SASS6: variants seen among roughly 807,000 people sequenced by gnomAD.
SASS6 encodes the protein spindle assembly abnormal protein 6 homolog.
A neutral mutation model predicts 94.9 loss-of-function variants in SASS6; 59 were observed. That is an observed-to-expected ratio of 0.62 (90% confidence interval 0.50 to 0.77). The LOEUF (loss-of-function observed/expected upper bound fraction) is 0.77, where lower values mean the gene tolerates loss of function less well. Ranked by LOEUF, SASS6 falls within the 30% of genes least tolerant of loss-of-function variation. SASS6 has a pLI of 0.00. For missense variants in SASS6, 698 were observed against 734.1 expected, an observed-to-expected ratio of 0.95 and a Z score of 0.57; for synonymous variants, 264 against 270.0, an observed-to-expected ratio of 0.98 and a Z score of 0.22.
intron 7 of SASS6, among the ~76,000 whole-genome samples, chr1:100,117,560 G>A (rs2101679457): frequency 6.6e-6 from 1 of 152,120 alleles, no homozygotes; most frequent in African/African-American, 2.4e-5. Flanking sequence ...GGCTGAGGCA[G>A]GAGAATTGCT....
chr1:100,087,871 G>A (rs1306055109), intron 15 of SASS6, among the ~76,000 whole-genome samples: 2 of 152,122 alleles, frequency 1.3e-5, no homozygotes, highest in African/African-American at 4.8e-5. Context: ...AGTTATGTAG[G>A]AAAATCTCTT....
chr1:100,094,870 A>AAC, intron 14 of SASS6, among the ~76,000 whole-genome samples: 1 of 151,584 alleles, frequency 6.6e-6, no homozygotes, highest in African/African-American at 2.4e-5. Flanking sequence ...TGTCTCCAAA[A>AAC]AAAAAAAAAA....
At chr1:100,091,741 C>A (rs1477987062) in intron 14 of SASS6, among the ~76,000 whole-genome samples, 1 of 148,324 alleles carries the variant, frequency 6.7e-6, no homozygotes, top group African/African-American at 2.5e-5. Context: ...AACTTGAAGG[C>A]GGATCAATAG....
At chr1:100,109,286 G>A (rs531909300) in intron 8 of SASS6, among the ~76,000 whole-genome samples, 1 of 152,168 alleles carries the variant, frequency 6.6e-6, no homozygotes, top group South Asian at 2.1e-4. Flanking sequence ...GAGCTTCTAA[G>A]CATGAGACTG....
Position 100,110,316 on chromosome 1 carries a change from T to C in SASS6, c.837A>G (p.Lys279=). The C allele has an allele frequency of 6.3e-7, 1 of 1,575,454 alleles. No individual in the cohort carries two copies. Among genetic ancestry groups the C allele is most frequent in the African/African-American group, 1.4e-5 (1 of 72,736 alleles). Reference sequence around the variant, plus strand: ...CCTCTTCAACACCAGAAAGTTTTGCTTTAAGTTCTCTAATAGTGGAGTCTC... The same window carrying C: ...CCTCTTCAACACCAGAAAGTTTTGCCTTAAGTTCTCTAATAGTGGAGTCTC... The part of the protein sequence containing the change: ...YKGDSTIREL[K]AKLSGVEEEL... The change falls in exon 8 of 17, where the codon AAA becomes AAG. Residue 279 remains lysine (K), a synonymous_variant. Coordinates refer to ENST00000287482, the MANE Select transcript of SASS6 (RefSeq NM_194292.3).
intron 7 of SASS6, among the ~76,000 whole-genome samples, chr1:100,115,309 C>T (rs1023889093): frequency 4.5e-4 from 69 of 152,022 alleles, no homozygotes; most frequent in African/African-American, 1.6e-3. Context: ...CTCATTTATG[C>T]AGTAAAAATC....
chr1:100,094,621 G>A (rs1038881508), intron 14 of SASS6, among the ~76,000 whole-genome samples: 3 of 152,050 alleles, frequency 2.0e-5, no homozygotes, highest in South Asian at 2.1e-4. Flanking sequence ...TTGGGAGGCC[G>A]AGGTGGGCGG....
intron 6 of SASS6, among the ~76,000 whole-genome samples, chr1:100,119,925 G>A (rs1183719598): frequency 1.3e-5 from 2 of 152,178 alleles, no homozygotes; most frequent in Non-Finnish European, 2.9e-5. Context: ...GCAAGAACAA[G>A]CTAAAACAGA....
At position 100,125,832 on chromosome 1, in the gene SASS6, T is replaced by C. The variant is rs372737208; in HGVS notation, c.126+50A>G. On this transcript the variant is annotated intron_variant, in intron 2 of 16. Transcript: ENST00000287482. ...TCACATTCTTAAAGAACAAAACTAA[T>C]TGTCTACAATGTACCGAAATGATAT... The C allele has an allele frequency of 5.0e-4, 459 of 913,696 alleles. 1 individual carries two copies. Among genetic ancestry groups the C allele is most frequent in the Non-Finnish European group, 6.8e-4 (387 of 566,958 alleles). 56.6% of individuals were successfully genotyped at this position (913,696 alleles called of 1,614,324 possible).
At chr1:100,102,934 A>T (rs753770131) in intron 14 of SASS6, 21 bp downstream of exon 14, 2 of 1,586,318 alleles carry the variant, frequency 1.3e-6, no homozygotes, top group Admixed American at 1.8e-5. Context: ...TCCCAGAACA[A>T]GTATTAGTTA....
At chr1:100,129,250 AT>A (rs1283090407) in intron 1 of SASS6, among the ~76,000 whole-genome samples, 1 of 151,908 alleles carries the variant, frequency 6.6e-6, no homozygotes, top group African/African-American at 2.4e-5. Flanking sequence ...AAAAAAAAAA[AT>A]AATAATTTTT....
rs1412240168 is a variant in SASS6 at position 100,101,225 on chromosome 1, T to C, written c.1674+1730A>G. ...ATCCTAACATCAGATTCCGCCTTCT[T>C]AACCAATAATTATACGGCATATAGT... On this transcript the variant is annotated intron_variant, in intron 14 of 16. Coordinates refer to ENST00000287482, the MANE Select transcript of SASS6 (RefSeq NM_194292.3). Among the ~76,000 whole-genome samples, 2 of 152,124 alleles carry C rather than the reference T, an allele frequency of 1.3e-5. 1 individual carries two copies. Among genetic ancestry groups the C allele is most frequent in the South Asian group, 4.1e-4 (2 of 4,834 alleles).
At chr1:100,105,330 C>T (rs1414248076) in intron 13 of SASS6, among the ~76,000 whole-genome samples, 1 of 152,104 alleles carries the variant, frequency 6.6e-6, no homozygotes, top group Non-Finnish European at 1.5e-5. Flanking sequence ...AGATCAAGAC[C>T]ATCCTGGCTA....
Position 100,085,439 on chromosome 1 carries a change from A to C in SASS6, c.1868-5T>G, listed in dbSNP as rs566929507. On this transcript the variant is annotated splice_region_variant and splice_polypyrimidine_tract_variant and intron_variant, in intron 16 of 16. Transcript: ENST00000287482. ...AAGTGCCATCTCTCTGATGGTCTGC[A>C]AATGAGGACAAAAAAAGGTTACTGG... is the stretch of plus-strand genomic sequence containing the variant. 6.3e-7 allele frequency: 1 copy of C among 1,597,802 alleles called. No homozygotes were observed. The highest frequency in any genetic ancestry group is 2.2e-5 in the East Asian group (1 of 44,806).
chr1:100,109,285 A>T (rs974908048), intron 8 of SASS6, among the ~76,000 whole-genome samples: 2 of 152,114 alleles, frequency 1.3e-5, no homozygotes, highest in African/African-American at 4.8e-5. Context: ...AGAGCTTCTA[A>T]GCATGAGACT....
chr1:100,115,639 G>A (rs1280803210), intron 7 of SASS6, among the ~76,000 whole-genome samples: 1 of 152,024 alleles, frequency 6.6e-6, no homozygotes, highest in African/African-American at 2.4e-5. Flanking sequence ...ACCAGCGTGG[G>A]CAACATAGTG....
At chr1:100,124,297 T>C (rs1049720729) in intron 2 of SASS6, among the ~76,000 whole-genome samples, 2 of 152,244 alleles carry the variant, frequency 1.3e-5, no homozygotes, top group African/African-American at 4.8e-5. Context: ...CCCAGGATGC[T>C]ACTTAAAAAA....
At position 100,132,869 on chromosome 1, in the gene SASS6, G is replaced by A; in HGVS notation, c.-55C>T. The A allele has an allele frequency of 6.6e-7, 1 of 1,515,176 alleles. No individual in the cohort carries two copies. Among genetic ancestry groups the A allele is most frequent in the South Asian group, 1.1e-5 (1 of 89,062 alleles). The allele number at this position is 1,515,176 out of a possible 1,614,324, so 93.9% of individuals were successfully genotyped here. A position where few individuals can be genotyped will look rare whatever the true frequency, so the allele number is the denominator to read the frequency against. On this transcript the variant is annotated 5_prime_UTR_variant, in exon 1 of 17. Transcript: ENST00000287482. ...AAAAGCCCAACAGGCCCGGCCCTCG[G>A]GATTAGCCTGAGAGGTCCGGGTCCT...
chr1:100,094,915 T>A lies in SASS6; in HGVS notation c.1675-6679A>T, dbSNP rs529716989. Among the ~76,000 whole-genome samples the A allele has an allele frequency of 3.4e-4, 50 of 149,204 alleles. 1 individual carries two copies. The highest frequency in any genetic ancestry group is 5.8e-4 in the Non-Finnish European group (39 of 67,238). Reference sequence around the variant, plus strand: ...ACAAAAAGTAAATTAACTCCAGCGATATATAAAAAGAATACACCATGACCA... The same window carrying A: ...ACAAAAAGTAAATTAACTCCAGCGAAATATAAAAAGAATACACCATGACCA... On this transcript the variant is annotated intron_variant, in intron 14 of 16. Coordinates refer to ENST00000287482, the MANE Select transcript of SASS6 (RefSeq NM_194292.3).
Sources: gnomAD v4.1 joint callset for allele counts (sites outside exome capture counted in the v4.1 genomes callset) on GRCh38, gnomAD v4.1.1 for gene constraint, MANE v1.5 for transcripts, NCBI Gene and HGNC (gene_info 2026-07-23, HGNC 2026-07-21) for gene names.